The following GRIK4 variants were observed in gnomAD, a reference collection of about 807,000 sequenced individuals.
The protein encoded by GRIK4 is glutamate ionotropic receptor kainate type subunit 4.
In GRIK4, 40 loss-of-function variants were observed where a neutral mutation model predicts 104.9. The ratio of observed to expected loss-of-function variants is 0.38; its 90% CI spans 0.30 to 0.50. The LOEUF (loss-of-function observed/expected upper bound fraction) is 0.50. Ranked by LOEUF, GRIK4 falls within the 20% of genes least tolerant of loss-of-function variation. The probability of loss-of-function intolerance (pLI) is 0.93; values close to 1 mark genes in which losing one functional copy is unlikely to be tolerated. For missense variants in GRIK4, 1,047 were observed against 1,308.1 expected (o/e 0.80, Z 3.08); for synonymous variants, 485 against 524.9 (o/e 0.92, Z 1.04).
chr11:120,527,775 A>G (rs1408882916), intron 1 of GRIK4, among the ~76,000 whole-genome samples: 7 of 152,140 alleles, frequency 4.6e-5, no homozygotes, highest in Admixed American at 2.6e-4. Flanking sequence ...ATTGTTGTCC[A>G]AGGTTTCCAA....
At position 120,760,067 on chromosome 11, in the gene GRIK4, C is replaced by T. The variant is rs151277020; in HGVS notation, c.83-42626C>T. On this transcript the variant is annotated intron_variant, in intron 3 of 20. Coordinates refer to ENST00000527524, the MANE Select transcript of GRIK4 (RefSeq NM_014619.5). ...AGTAGATTTTAATCCTCACATTGTACGTTAGGTCTCTAAACGTGTTCATCC... is the reference window on the plus strand; with the variant it reads ...AGTAGATTTTAATCCTCACATTGTATGTTAGGTCTCTAAACGTGTTCATCC... Among the ~76,000 whole-genome samples the T allele has an allele frequency of 3.3e-4, 50 of 151,904 alleles. 1 individual carries two copies. Among genetic ancestry groups the T allele is most frequent in the South Asian group, 8.3e-4 (4 of 4,798 alleles).
At chr11:120,930,332 A>T (rs1264773374) in intron 13 of GRIK4, among the ~76,000 whole-genome samples, 1 of 152,264 alleles carries the variant, frequency 6.6e-6, no homozygotes, top group Non-Finnish European at 1.5e-5. Context: ...GAGATAAGAT[A>T]TGCACACAAA....
chr11:120,631,006 G>A (rs913869919), intron 1 of GRIK4, among the ~76,000 whole-genome samples: 13 of 152,238 alleles, frequency 8.5e-5, no homozygotes, highest in Non-Finnish European at 2.9e-5. Context: ...CTCTATCTCT[G>A]TCATTTACAA....
chr11:120,928,197 G>A (rs1311406795), intron 13 of GRIK4, among the ~76,000 whole-genome samples: 5 of 142,808 alleles, frequency 3.5e-5, no homozygotes, highest in Admixed American at 2.9e-4. Flanking sequence ...CTGGGAGACA[G>A]AGCAAGACTC....
chr11:120,878,115 A>C (rs568179844), intron 11 of GRIK4, among the ~76,000 whole-genome samples: 1 of 152,034 alleles, frequency 6.6e-6, no homozygotes, highest in Non-Finnish European at 1.5e-5. Flanking sequence ...TCAGCCCCCA[A>C]CCCAGGCCAG....
chr11:120,967,979 C>G lies in GRIK4; in HGVS notation c.2395+656C>G. Among the ~76,000 whole-genome samples, 1 of 152,154 alleles carries G rather than the reference C, an allele frequency of 6.6e-6. No individual in the cohort carries two copies. The highest frequency in any genetic ancestry group is 1.5e-5 in the Non-Finnish European group (1 of 68,040). On this transcript the variant is annotated intron_variant, in intron 19 of 20. Transcript: ENST00000527524. This position sits in a 1 kb window ranked among gnomAD's most constrained non-coding sequence, Gnocchi z 4.2. ...CCCCACCTTATTTCCCTTCTCAGAC[C>G]TCATCGCTACCTGATATTATATTTC...
intron 14 of GRIK4, among the ~76,000 whole-genome samples, chr11:120,945,711 G>A (rs1042683297): frequency 1.2e-4 from 18 of 152,244 alleles, no homozygotes; most frequent in Admixed American, 9.2e-4. Context: ...GAAGTGGGAT[G>A]CAGATGTTTC....
chr11:120,605,980 G>A (rs568559820), intron 1 of GRIK4, among the ~76,000 whole-genome samples: 104 of 152,302 alleles, frequency 6.8e-4, no homozygotes, highest in South Asian at 2.3e-3. Context: ...TAGGCTTCTT[G>A]TTCTTGCCCT....
chr11:120,597,159 C>T (rs1948813381), intron 1 of GRIK4, among the ~76,000 whole-genome samples: 1 of 152,100 alleles, frequency 6.6e-6, no homozygotes, highest in African/African-American at 2.4e-5. Context: ...CCAGGGCAGC[C>T]CCAGGTAGCT....
At chr11:120,552,011 T>C (rs764297175) in intron 1 of GRIK4, among the ~76,000 whole-genome samples, 3 of 152,150 alleles carry the variant, frequency 2.0e-5, no homozygotes, top group Non-Finnish European at 4.4e-5. Context: ...TAATATCCTT[T>C]ATAATAAACT....
In GRIK4 at chr11:120,776,936, G is replaced by A. The variant is rs368762004; in HGVS notation, c.83-25757G>A. On this transcript the variant is annotated intron_variant, in intron 3 of 20. Coordinates refer to ENST00000527524, the MANE Select transcript of GRIK4 (RefSeq NM_014619.5). Reference sequence around the variant, plus strand: ...TCAGAAGCAACATCCCATGATTTCTGCCATGTGCTGTTGGGCAAATCAACC... The same window carrying A: ...TCAGAAGCAACATCCCATGATTTCTACCATGTGCTGTTGGGCAAATCAACC... Among the ~76,000 whole-genome samples the A allele has an allele frequency of 9.8e-5, 15 of 152,286 alleles. No homozygotes were observed. The East Asian group carries it at 1.7e-3, about 18-fold the overall frequency.
chr11:120,750,350 CTTTTTTTTTTT>C (rs869135246), intron 3 of GRIK4, among the ~76,000 whole-genome samples: 2 of 76,120 alleles, frequency 2.6e-5, no homozygotes, highest in Non-Finnish European at 4.7e-5. Flanking sequence ...CTAGAAATCT[CTTTTTTTTTTT>C]TTTTTTTTTT....
intron 1 of GRIK4, among the ~76,000 whole-genome samples, chr11:120,573,704 G>A (rs1393158640): frequency 1.3e-5 from 2 of 152,228 alleles, no homozygotes; most frequent in African/African-American, 4.8e-5. Flanking sequence ...TGGACTGGGA[G>A]TCAGCAGGTG....
chr11:120,538,252 T>C (rs928417252), intron 1 of GRIK4, among the ~76,000 whole-genome samples: 5 of 152,182 alleles, frequency 3.3e-5, no homozygotes, highest in Admixed American at 1.3e-4. Context: ...GTCAGGGCAG[T>C]GGGAGAGGAC....
intron 13 of GRIK4, among the ~76,000 whole-genome samples, chr11:120,932,560 TG>T (rs1012488472): frequency 1.1e-4 from 17 of 152,202 alleles, no homozygotes; most frequent in African/African-American, 4.1e-4. Context: ...GCCTCAGGCC[TG>T]GCCTTGCTTG....
At chr11:120,937,499 C>T (rs907248680) in intron 13 of GRIK4, among the ~76,000 whole-genome samples, 1 of 152,196 alleles carries the variant, frequency 6.6e-6, no homozygotes, top group East Asian at 1.9e-4. Context: ...CCGCCACAAA[C>T]CTTTCATGGC....
At chr11:120,632,381 T>C (rs1388720790) in intron 1 of GRIK4, among the ~76,000 whole-genome samples, 2 of 152,084 alleles carry the variant, frequency 1.3e-5, no homozygotes, top group Non-Finnish European at 1.5e-5. Context: ...TAAGGCTGAA[T>C]TGAGATAATG....
At chr11:120,595,276 C>T (rs994076192) in intron 1 of GRIK4, among the ~76,000 whole-genome samples, 1 of 152,262 alleles carries the variant, frequency 6.6e-6, no homozygotes, top group African/African-American at 2.4e-5. Context: ...CTGCTTTTCA[C>T]ACATCCTTTA....
chr11:120,638,638 C>T (rs914939811), intron 1 of GRIK4, among the ~76,000 whole-genome samples: 2 of 151,808 alleles, frequency 1.3e-5, no homozygotes, highest in Non-Finnish European at 2.9e-5. Flanking sequence ...CCACCATGCC[C>T]GGCTAATTTT....
Sources: gnomAD v4.1 joint callset for allele counts (sites outside exome capture counted in the v4.1 genomes callset) on GRCh38, gnomAD v4.1.1 for gene constraint, Gnocchi (gnomAD v3.1) non-coding constraint, MANE v1.5 for transcripts, NCBI Gene and HGNC (gene_info 2026-07-23, HGNC 2026-07-21) for gene names.